GRIN3A: variants seen among roughly 807,000 people sequenced by gnomAD.
GRIN3A encodes glutamate ionotropic receptor NMDA type subunit 3A, also known as glutamate receptor ionotropic, NMDA 3A.
A neutral mutation model predicts 92.4 loss-of-function variants in GRIN3A; 47 were observed. That is an observed-to-expected ratio of 0.51 (90% CI 0.40 to 0.65). The LOEUF (loss-of-function observed/expected upper bound fraction) is 0.65, where lower values mean the gene tolerates loss of function less well. Among genes scored for constraint, GRIN3A ranks in the 30% least tolerant of loss-of-function variants. The probability of loss-of-function intolerance (pLI) is 0.00; values close to 1 mark genes in which losing one functional copy is unlikely to be tolerated. For synonymous variants in GRIN3A, 527 were observed against 540.6 expected, an observed-to-expected ratio of 0.97 and a Z score of 0.35; for missense variants, 1,324 against 1,393.1, an observed-to-expected ratio of 0.95 and a Z score of 0.79.
chr9:101,578,522 A>C (rs1349645394), intron 7 of GRIN3A, among the ~76,000 whole-genome samples: 14 of 152,246 alleles, frequency 9.2e-5, no homozygotes, highest in Admixed American at 8.5e-4. Flanking sequence ...TGGCTCATCC[A>C]GCCTTGCTGT....
intron 3 of GRIN3A, among the ~76,000 whole-genome samples, chr9:101,656,514 C>T (rs1459407819): frequency 2.0e-5 from 3 of 151,892 alleles, no homozygotes; most frequent in Non-Finnish European, 4.4e-5. Flanking sequence ...CAGTAGTGAT[C>T]TGATGTTGGA....
Position 101,737,563 on chromosome 9 carries a change from T to A in GRIN3A, c.417A>T (p.Glu139Asp), listed in dbSNP as rs753286196. 1 of 1,614,212 alleles carries A rather than the reference T, an allele frequency of 6.2e-7. No individual in the cohort carries two copies. Among genetic ancestry groups the A allele is most frequent in the Non-Finnish European group, 8.5e-7 (1 of 1,180,040 alleles). Reference sequence around the variant, plus strand: ...AAGACAGGTTGTAGGGTAGCAGCCCTTCCACGCGGTTCAGGTTGTCCACGG... The same window carrying A: ...AAGACAGGTTGTAGGGTAGCAGCCCATCCACGCGGTTCAGGTTGTCCACGG... ...LFAVDNLNRV[E>D]GLLPYNLSLE... Residue 139 changes from glutamate to aspartate, a missense_variant, in exon 1 of 9, where the codon GAA (glutamate) becomes GAT (aspartate). Coordinates refer to ENST00000361820, the MANE Select transcript of GRIN3A (RefSeq NM_133445.3).
intron 4 of GRIN3A, among the ~76,000 whole-genome samples, chr9:101,623,874 C>T (rs1828592283): frequency 6.6e-6 from 1 of 152,200 alleles, no homozygotes; most frequent in Non-Finnish European, 1.5e-5. Context: ...ATTGAAGTAA[C>T]TTAAACCAGG....
chr9:101,656,778 C>T lies in GRIN3A; in HGVS notation c.2352+13282G>A, dbSNP rs546216504. Among the ~76,000 whole-genome samples, 3 of 151,878 alleles carry T rather than the reference C, an allele frequency of 2.0e-5. No individual in the cohort carries two copies. The South Asian group carries it at 6.2e-4, about 32-fold the overall frequency. ...AGATAGAACAGGATTGGTTCCTGAGCCTTGTTGGGGAAAGACAAGGAAAAA... is the reference window on the plus strand; with the variant it reads ...AGATAGAACAGGATTGGTTCCTGAGTCTTGTTGGGGAAAGACAAGGAAAAA... On this transcript the variant is annotated intron_variant, in intron 3 of 8. Transcript: ENST00000361820.
At chr9:101,673,716 A>G (rs1019359982) in intron 2 of GRIN3A, among the ~76,000 whole-genome samples, 1 of 152,126 alleles carries the variant, frequency 6.6e-6, no homozygotes, top group Non-Finnish European at 1.5e-5. Context: ...TCTTGGATAA[A>G]CAAGGAGAAA....
intron 6 of GRIN3A, chr9:101,603,157 C>T (rs576778578): frequency 3.3e-5 from 5 of 152,120 alleles, no homozygotes; most frequent in Admixed American, 6.5e-5. Context: ...CTATAACATA[C>T]GTAAGCAATA....
intron 3 of GRIN3A, among the ~76,000 whole-genome samples, chr9:101,669,470 A>G (rs1829287068): frequency 6.6e-6 from 1 of 152,050 alleles, no homozygotes; most frequent in Non-Finnish European, 1.5e-5. Context: ...TATGCAAGGT[A>G]GTCAGCTGAG....
At chr9:101,684,275 T>G (rs1313023109) in intron 2 of GRIN3A, among the ~76,000 whole-genome samples, 1 of 139,688 alleles carries the variant, frequency 7.2e-6, no homozygotes, top group African/African-American at 2.8e-5. Context: ...AGCTAATTTT[T>G]TTTTTTTTTT....
Position 101,573,017 on chromosome 9 carries a change from T to G in GRIN3A, c.*157A>C. 1.5e-6 allele frequency: 1 copy of G among 667,186 alleles called. No individual in the cohort carries two copies. The highest frequency in any genetic ancestry group is 2.7e-5 in the East Asian group (1 of 36,804). The allele number at this position is 667,186 out of a possible 1,614,324, so 41.3% of individuals were successfully genotyped here. ...AGAGAGTGAGCTTGAGAGGAGCTGC[T>G]GCTGCACTTTAGGCGAGGGAGAGCA... is the stretch of plus-strand genomic sequence containing the variant. On this transcript the variant is annotated 3_prime_UTR_variant, in exon 9 of 9. Transcript: ENST00000361820.
intron 6 of GRIN3A, among the ~76,000 whole-genome samples, chr9:101,599,984 G>T (rs1828190489): frequency 6.6e-6 from 1 of 152,140 alleles, no homozygotes; most frequent in Non-Finnish European, 1.5e-5. Flanking sequence ...TTTGTCATCT[G>T]TTTGGTTTTC....
chr9:101,656,530 T>C (rs1056421746), intron 3 of GRIN3A, among the ~76,000 whole-genome samples: 9 of 151,942 alleles, frequency 5.9e-5, no homozygotes, highest in African/African-American at 1.9e-4. Flanking sequence ...TTGGATCATA[T>C]GGAAACTGAC....
chr9:101,594,796 C>T, intron 6 of GRIN3A: 1 of 1,613,250 alleles, frequency 6.2e-7, no homozygotes, highest in Non-Finnish European at 8.5e-7. Flanking sequence ...GGGACATGAA[C>T]TCCTCCACGC....
chr9:101,614,569 A>G (rs893603886), intron 5 of GRIN3A, among the ~76,000 whole-genome samples: 21 of 146,766 alleles, frequency 1.4e-4, no homozygotes, highest in Non-Finnish European at 2.1e-4. Context: ...ACCAAACAAT[A>G]TAGTTTTAGG....
Position 101,737,455 on chromosome 9 carries a change from A to C in GRIN3A, c.525T>G (p.Ser175Arg), listed in dbSNP as rs375554113. ...PFSSPSSPWS[S>R]DPFSFLQSVC... is the part of the protein sequence containing the mutation. ...CACTTTGCAGGAAGGAGAAAGGGTC[A>C]CTGCTCCATGGCGAACTAGGGGAGG... Residue 175 changes from serine to arginine, a missense_variant, in exon 1 of 9, where the codon AGT (serine) becomes AGG (arginine). Coordinates refer to ENST00000361820, the MANE Select transcript of GRIN3A (RefSeq NM_133445.3). 1 of 1,614,274 alleles carries C rather than the reference A, an allele frequency of 6.2e-7. No homozygotes were observed. Among genetic ancestry groups the C allele is most frequent in the South Asian group, 1.1e-5 (1 of 91,092 alleles).
chr9:101,642,066 A>C (rs1321643525), intron 3 of GRIN3A, among the ~76,000 whole-genome samples: 1 of 152,172 alleles, frequency 6.6e-6, no homozygotes, highest in African/African-American at 2.4e-5. Context: ...ATAATACTTG[A>C]TTTCAAAATA....
intron 3 of GRIN3A, among the ~76,000 whole-genome samples, chr9:101,629,637 C>T (rs576825304): frequency 1.3e-5 from 2 of 152,230 alleles, no homozygotes; most frequent in African/African-American, 2.4e-5. Context: ...ATGTTTTATG[C>T]CAGCATAACC....
chr9:101,689,437 C>G (rs146622033), intron 1 of GRIN3A, among the ~76,000 whole-genome samples: 206 of 152,110 alleles, frequency 1.4e-3, no homozygotes, highest in African/African-American at 4.6e-3. Context: ...GACAGAGAAA[C>G]AAATCCAATA....
At chr9:101,700,815 T>G (rs1320221567) in intron 1 of GRIN3A, among the ~76,000 whole-genome samples, 1 of 151,780 alleles carries the variant, frequency 6.6e-6, no homozygotes, top group East Asian at 1.9e-4. Context: ...CCTAATGAAG[T>G]AAAAATAGAA....
chr9:101,719,939 C>T (rs1042970982), intron 1 of GRIN3A, among the ~76,000 whole-genome samples: 8 of 152,190 alleles, frequency 5.3e-5, no homozygotes, highest in African/African-American at 1.9e-4. Context: ...GATGGCTCCC[C>T]AACTTCCCTT....
Sources: allele counts gnomAD v4.1 joint callset (sites outside exome capture counted in the v4.1 genomes callset), GRCh38; gene constraint gnomAD v4.1.1; transcripts MANE v1.5; gene names NCBI Gene and HGNC (gene_info 2026-07-23, HGNC 2026-07-21).